AQR: variants seen among roughly 807,000 people sequenced by gnomAD.
AQR encodes the protein RNA helicase aquarius.
In AQR, 61 loss-of-function variants were observed where a neutral mutation model predicts 180.5. The ratio of observed to expected loss-of-function variants is 0.34; its 90% CI spans 0.28 to 0.42. AQR has a LOEUF of 0.42. Ranked by LOEUF, AQR falls within the 10% of genes least tolerant of loss-of-function variation. AQR has a pLI of 1.00. For synonymous variants in AQR, 551 were observed against 588.8 expected (o/e 0.94, Z 0.93); for missense variants, 1,281 against 1,798.3 (o/e 0.71, Z 5.20).
At chr15:34,952,018 A>C (rs1461508689) in intron 4 of AQR, among the ~76,000 whole-genome samples, 1 of 152,234 alleles carries the variant, frequency 6.6e-6, no homozygotes, top group Non-Finnish European at 1.5e-5. Context: ...TTAATTCATA[A>C]TAATAAATTT....
intron 4 of AQR, among the ~76,000 whole-genome samples, chr15:34,950,084 C>CTTTTTTT (rs1174370425): frequency 9.7e-4 from 72 of 74,092 alleles, no homozygotes; most frequent in African/African-American, 1.7e-3. Context: ...TGCTATTTTC[C>CTTTTTTT]TTTTTTTTTT....
intron 11 of AQR, among the ~76,000 whole-genome samples, chr15:34,930,830 TTTTTTTTTTTTTTTTTTTTG>T (rs1157877049): frequency 4.9e-3 from 191 of 38,808 alleles, no homozygotes; most frequent in Non-Finnish European, 6.9e-3. Flanking sequence ...TTTTTTTTTT[TTTTTTTTTTTTTTTTTTTTG>T]GTCTGAGACG....
chr15:34,880,432 T>C (rs1892955462), intron 27 of AQR, among the ~76,000 whole-genome samples: 1 of 152,150 alleles, frequency 6.6e-6, no homozygotes, highest in African/African-American at 2.4e-5. Context: ...GAGAGAGATC[T>C]CCAAAAACAT....
Position 34,853,997 on chromosome 15 carries a change from T to G in AQR, c.*2795A>C, listed in dbSNP as rs1342349591. Reference sequence around the variant, plus strand: ...GTTTACAGGAGCACAAATGGCCTATTTATGCCTTTTCTCTCAGCATCTAGC... The same window carrying G: ...GTTTACAGGAGCACAAATGGCCTATGTATGCCTTTTCTCTCAGCATCTAGC... On this transcript the variant is annotated 3_prime_UTR_variant, in exon 35 of 35. Coordinates refer to ENST00000156471, the MANE Select transcript of AQR (RefSeq NM_014691.3). 6.6e-6 allele frequency: 1 copy of G among 152,174 alleles called. No individual in the cohort carries two copies. Among genetic ancestry groups the G allele is most frequent in the Non-Finnish European group, 1.5e-5 (1 of 68,036 alleles). The allele number at this position is 152,174 out of a possible 1,614,324, so 9.4% of individuals were successfully genotyped here.
chr15:34,900,588 T>A, intron 20 of AQR, 34 bp downstream of exon 20: 2 of 1,598,312 alleles, frequency 1.3e-6, no homozygotes, highest in Non-Finnish European at 1.7e-6. Context: ...GACTACAGAA[T>A]GCTGGAGAGG....
In AQR at chr15:34,874,920, T is replaced by C. The variant is rs1036764108; in HGVS notation, c.3238-56A>G. 29 of 1,495,840 alleles carry C rather than the reference T, an allele frequency of 1.9e-5. No homozygotes were observed. The East Asian group carries it at 6.2e-4, about 32-fold the overall frequency. The allele number at this position is 1,495,840 out of a possible 1,614,324, so 92.7% of individuals were successfully genotyped here. ...TACTCTATTATCCTCTTGTCTCCAATTTATTACCCGAGAGACTCAGTCTTC... is the reference window on the plus strand; with the variant it reads ...TACTCTATTATCCTCTTGTCTCCAACTTATTACCCGAGAGACTCAGTCTTC... On this transcript the variant is annotated intron_variant, in intron 28 of 34. Transcript: ENST00000156471.
At chr15:34,948,242 T>C in intron 5 of AQR, 22 bp downstream of exon 5, 1 of 1,612,500 alleles carries the variant, frequency 6.2e-7, no homozygotes, top group Non-Finnish European at 8.5e-7. Context: ...ATGAAAGCTA[T>C]GAAGTACTTT....
intron 32 of AQR, among the ~76,000 whole-genome samples, chr15:34,864,171 G>GTT (rs140954200): frequency 6.6e-6 from 1 of 151,630 alleles, no homozygotes; most frequent in South Asian, 2.1e-4. Flanking sequence ...ATTTTTTATG[G>GTT]TTTTTTTTAT....
chr15:34,900,934 G>C, intron 19 of AQR, 71 bp from the exon 20 acceptor site: 1 of 1,507,884 alleles, frequency 6.6e-7, no homozygotes. Flanking sequence ...CTGGAATGCA[G>C]AGCTGGCTGC....
chr15:34,931,585 A>G (rs1329308816), intron 11 of AQR, among the ~76,000 whole-genome samples: 1 of 152,124 alleles, frequency 6.6e-6, no homozygotes, highest in East Asian at 1.9e-4. Flanking sequence ...AGGTGGCCAA[A>G]TTGCCTTAGT....
intron 19 of AQR, among the ~76,000 whole-genome samples, chr15:34,902,419 C>T (rs563400896): frequency 6.6e-6 from 1 of 152,118 alleles, no homozygotes; most frequent in Admixed American, 6.5e-5. Flanking sequence ...ACCAAAAGAG[C>T]ATTCTTTTTT....
chr15:34,924,941 T>C (rs1011455157), intron 13 of AQR, among the ~76,000 whole-genome samples: 1 of 138,286 alleles, frequency 7.2e-6, no homozygotes, highest in Non-Finnish European at 1.6e-5. Context: ...AAAAAGGCAA[T>C]AAAAGTATTT....
chr15:34,893,061 T>C (rs1893174596), intron 23 of AQR, among the ~76,000 whole-genome samples: 1 of 152,232 alleles, frequency 6.6e-6, no homozygotes, highest in Non-Finnish European at 1.5e-5. Flanking sequence ...ATTCATTTCA[T>C]GAATCCTCTG....
intron 2 of AQR, among the ~76,000 whole-genome samples, 161 bp downstream of exon 2, chr15:34,964,073 T>A (rs1023494311): frequency 2.0e-5 from 3 of 152,208 alleles, no homozygotes; most frequent in African/African-American, 7.2e-5. Context: ...CCAAATTTCC[T>A]AACATAAATC....
intron 12 of AQR, among the ~76,000 whole-genome samples, 170 bp from the exon 13 acceptor site, chr15:34,927,308 GA>G (rs1268809103): frequency 2.0e-5 from 3 of 151,994 alleles, no homozygotes; most frequent in Non-Finnish European, 1.5e-5. Context: ...AATAAAAAGA[GA>G]AAAAACTACA....
rs776331489 is a variant in AQR at position 34,960,771 on chromosome 15, T to C, written c.173+3A>G. 10 of 911,622 alleles carry C rather than the reference T, an allele frequency of 1.1e-5. No homozygotes were observed. The African/African-American group carries it at 1.7e-4, about 15-fold the overall frequency. The allele number at this position is 911,622 out of a possible 1,614,324, so 56.5% of individuals were successfully genotyped here. A position where few individuals can be genotyped will look rare whatever the true frequency, so the allele number is the denominator to read the frequency against. On this transcript the variant is annotated splice_donor_region_variant and intron_variant, in intron 3 of 34. Coordinates refer to ENST00000156471, the MANE Select transcript of AQR (RefSeq NM_014691.3). ...ATTGTATAAAATTTAAATTCATTCC[T>C]ACCTTGATTTGACAATCTCTTTTTC...
intron 16 of AQR, among the ~76,000 whole-genome samples, chr15:34,911,470 T>C (rs1893497340): frequency 1.3e-5 from 2 of 152,212 alleles, no homozygotes. Context: ...TTTTGACTTT[T>C]GATAACAGCC....
intron 15 of AQR, among the ~76,000 whole-genome samples, chr15:34,917,846 T>C (rs1293178167): frequency 1.4e-5 from 2 of 140,900 alleles, no homozygotes; most frequent in African/African-American, 5.2e-5. Context: ...AAGCTGGGTG[T>C]GGTGGTGCAC....
chr15:34,921,799 A>G (rs1183206840), intron 13 of AQR, among the ~76,000 whole-genome samples: 1 of 152,074 alleles, frequency 6.6e-6, no homozygotes, highest in Non-Finnish European at 1.5e-5. Context: ...GGAATCACAC[A>G]TTAGGTAGTC....
Sources: gnomAD v4.1 joint callset for allele counts (sites outside exome capture counted in the v4.1 genomes callset) on GRCh38, gnomAD v4.1.1 for gene constraint, MANE v1.5 for transcripts, NCBI Gene and HGNC (gene_info 2026-07-23, HGNC 2026-07-21) for gene names.